The following SDK1 variants were observed in gnomAD, a reference collection of about 807,000 sequenced individuals.
SDK1 encodes the protein protein sidekick-1.
A neutral mutation model predicts 245.5 loss-of-function variants in SDK1; 157 were observed. The ratio of observed to expected loss-of-function variants is 0.64; its 90% CI spans 0.56 to 0.73. The LOEUF is 0.73. Ranked by LOEUF, SDK1 falls within the 30% of genes least tolerant of loss-of-function variation. The probability of loss-of-function intolerance (pLI) is 0.00; values close to 1 mark genes in which losing one functional copy is unlikely to be tolerated. For synonymous variants in SDK1, 1,647 were observed against 1,278.5 expected (o/e 1.29, Z -6.15); for missense variants, 3,583 against 3,002.3 (o/e 1.19, Z -4.52).
chr7:3,455,332 C>T (rs976401583), intron 1 of SDK1, among the ~76,000 whole-genome samples: 1 of 150,262 alleles, frequency 6.7e-6, no homozygotes, highest in Non-Finnish European at 1.5e-5. Flanking sequence ...CTTTTAGAGT[C>T]AATTCTAAGA....
chr7:3,395,458 A>G (rs573836325), intron 1 of SDK1, among the ~76,000 whole-genome samples: 117 of 151,994 alleles, frequency 7.7e-4, no homozygotes, highest in African/African-American at 2.6e-3. Context: ...TCGCTTTGCT[A>G]TCAGGGTGTT....
chr7:4,240,456 C>A (rs1297378439), intron 42 of SDK1, among the ~76,000 whole-genome samples: 1 of 152,160 alleles, frequency 6.6e-6, no homozygotes, highest in East Asian at 1.9e-4. Context: ...TGGTTTCCAC[C>A]TGCTCACCTC....
chr7:3,489,602 A>G (rs1766048447), intron 1 of SDK1, among the ~76,000 whole-genome samples: 1 of 152,238 alleles, frequency 6.6e-6, no homozygotes. Flanking sequence ...GATAGATGGA[A>G]GTGTAACTCA....
intron 4 of SDK1, among the ~76,000 whole-genome samples, chr7:3,716,636 T>A (rs1481311573): frequency 6.6e-6 from 1 of 151,920 alleles, no homozygotes; most frequent in Non-Finnish European, 1.5e-5. Flanking sequence ...TGCACACCCC[T>A]GTAGTCCCAG....
intron 41 of SDK1, among the ~76,000 whole-genome samples, chr7:4,235,482 T>C (rs1786101343): frequency 6.6e-6 from 1 of 152,188 alleles, no homozygotes. Flanking sequence ...GATTTTTTAA[T>C]GAGTAAGATT....
intron 1 of SDK1, among the ~76,000 whole-genome samples, chr7:3,536,022 A>G (rs550219552): frequency 2.6e-5 from 4 of 151,792 alleles, no homozygotes; most frequent in Non-Finnish European, 5.9e-5. Context: ...TTTAAAATCT[A>G]ATTCCCCCCC....
chr7:4,233,056 A>T (rs966363510), intron 40 of SDK1, 199 bp from the exon 41 acceptor site: 3 of 555,360 alleles, frequency 5.4e-6, no homozygotes, highest in African/African-American at 1.9e-5. Flanking sequence ...TTCTACAATC[A>T]TCACACCATT....
At chr7:3,654,850 C>T (rs1301031638) in intron 4 of SDK1, among the ~76,000 whole-genome samples, 1 of 152,190 alleles carries the variant, frequency 6.6e-6, no homozygotes, top group Non-Finnish European at 1.5e-5. Context: ...CTTCATTTCA[C>T]ATGAGCATAT....
chr7:3,583,098 T>C (rs1208059233), intron 1 of SDK1, among the ~76,000 whole-genome samples: 1 of 152,158 alleles, frequency 6.6e-6, no homozygotes. Context: ...AAACTGATGT[T>C]GGAGACCGGA....
chr7:3,676,236 C>T (rs974262646), intron 4 of SDK1, among the ~76,000 whole-genome samples: 3 of 151,812 alleles, frequency 2.0e-5, no homozygotes. Flanking sequence ...CCAGACTGGT[C>T]TCAAACTCCT....
chr7:3,964,306 G>C (rs749109083), intron 9 of SDK1, among the ~76,000 whole-genome samples: 2 of 152,160 alleles, frequency 1.3e-5, no homozygotes, highest in African/African-American at 2.4e-5. Flanking sequence ...CCCGGCCCTA[G>C]TACCCTCCTC....
intron 1 of SDK1, among the ~76,000 whole-genome samples, chr7:3,422,225 C>G (rs973718128): frequency 2.0e-5 from 3 of 152,068 alleles, no homozygotes; most frequent in East Asian, 3.9e-4. Context: ...CCAAACTACT[C>G]TTACATAGGT....
intron 5 of SDK1, among the ~76,000 whole-genome samples, chr7:3,875,800 C>A (rs1402150580): frequency 2.0e-5 from 3 of 152,188 alleles, no homozygotes; most frequent in Non-Finnish European, 4.4e-5. Context: ...GTGGATACCC[C>A]TGAAACCCCT....
At chr7:3,352,279 C>A (rs1334095051) in intron 1 of SDK1, among the ~76,000 whole-genome samples, 1 of 150,232 alleles carries the variant, frequency 6.7e-6, no homozygotes, top group Admixed American at 6.6e-5. Flanking sequence ...TTTTTGATGT[C>A]CAAATACTTG....
intron 4 of SDK1, among the ~76,000 whole-genome samples, chr7:3,819,783 C>T (rs1464377363): frequency 6.6e-6 from 1 of 151,982 alleles, no homozygotes; most frequent in Admixed American, 6.5e-5. Flanking sequence ...CCTGAATAAG[C>T]AATAACTTCT....
At chr7:3,462,950 TCACA>T (rs1780879296) in intron 1 of SDK1, among the ~76,000 whole-genome samples, 1 of 152,170 alleles carries the variant, frequency 6.6e-6, no homozygotes, top group Non-Finnish European at 1.5e-5. Context: ...CCACAGACCC[TCACA>T]TGGATTTTAC....
At chr7:3,564,914 A>G (rs1170210537) in intron 1 of SDK1, among the ~76,000 whole-genome samples, 1 of 151,974 alleles carries the variant, frequency 6.6e-6, no homozygotes, top group Non-Finnish European at 1.5e-5. Context: ...TGAAGGCAAA[A>G]ATGCGATTAT....
chr7:4,074,886 GTATA>G lies in SDK1; in HGVS notation c.3011-2084_3011-2081del, dbSNP rs1240017364. 1.9e-4 allele frequency among the ~76,000 whole-genome samples: 9 copies of G among 48,108 alleles called. 1 individual carries two copies. The highest frequency in any genetic ancestry group is 1.4e-3 in the African/African-American group (9 of 6,338). The allele number at this position is 48,108 out of a possible 152,430, so 31.6% of individuals were successfully genotyped here. A position where few individuals can be genotyped will look rare whatever the true frequency, so the allele number is the denominator to read the frequency against. On this transcript the variant is annotated intron_variant, in intron 20 of 44. Coordinates refer to ENST00000404826, the MANE Select transcript of SDK1 (RefSeq NM_152744.4). ...TCTCTCTCTCTCTCTCTCTCTCTCT[GTATA>G]TATATATATATATATATATATATAT...
intron 5 of SDK1, among the ~76,000 whole-genome samples, chr7:3,912,209 G>C (rs10279004): frequency 0.011 from 1,618 of 152,278 alleles, 41 homozygotes; most frequent in African/African-American, 0.037. Flanking sequence ...GTAATAGAGA[G>C]GATGAGCCAG....
Sources: gnomAD v4.1 joint callset for allele counts (sites outside exome capture counted in the v4.1 genomes callset) on GRCh38, gnomAD v4.1.1 for gene constraint, MANE v1.5 for transcripts, NCBI Gene and HGNC (gene_info 2026-07-23, HGNC 2026-07-21) for gene names.